Variants in RPS11 observed in about 807,000 individuals in gnomAD.
The protein encoded by RPS11 is small ribosomal subunit protein uS17.
For missense variants in RPS11, 127 were observed against 211.4 expected (o/e 0.60, Z 2.48); for synonymous variants, 107 against 78.0 (o/e 1.37, Z -1.96).
chr19:49,497,481 C>T (rs367545490), intron 2 of RPS11, 39 bp from the exon 3 acceptor site: 7 of 1,606,708 alleles, frequency 4.4e-6, no homozygotes, highest in African/African-American at 2.7e-5. Flanking sequence ...AGGAACCGCC[C>T]GCCCAAGGCT....
chr19:49,498,481 G>C (rs757814761), intron 4 of RPS11, among the ~76,000 whole-genome samples: 1 of 152,228 alleles, frequency 6.6e-6, no homozygotes, highest in Non-Finnish European at 1.5e-5. Flanking sequence ...GCCAGGCACC[G>C]TGGCTCAAGC....
intron 4 of RPS11, 122 bp downstream of exon 4, chr19:49,498,168 C>T: frequency 3.8e-6 from 4 of 1,057,202 alleles, no homozygotes; most frequent in Non-Finnish European, 5.7e-6. Flanking sequence ...TGGGAAGCCC[C>T]AGAATCTCAG....
Position 49,497,242 on chromosome 19 carries a change from A to C in RPS11, c.64A>C (p.Arg22=). The C allele has an allele frequency of 6.2e-7, 1 of 1,614,110 alleles. No homozygotes were observed. Among genetic ancestry groups the C allele is most frequent in the Non-Finnish European group, 8.5e-7 (1 of 1,180,008 alleles). ...GCCGACCATCTTTCAAAACAAGAAG[A>C]GGGTCCTGCTGGGAGAAACTGGCAA... is the stretch of plus-strand genomic sequence containing the variant. The part of the protein sequence containing the change: ...KQPTIFQNKK[R]VLLGETGKEK... Residue 22 remains arginine (R), a synonymous_variant, in exon 2 of 5, where the codon AGG becomes CGG. Coordinates refer to ENST00000270625, the MANE Select transcript of RPS11 (RefSeq NM_001015.5).
chr19:49,496,544 G>A, intron 1 of RPS11, 73 bp downstream of exon 1: 1 of 1,490,230 alleles, frequency 6.7e-7, no homozygotes. Flanking sequence ...GGAGGGCAGA[G>A]CCCGGCGGCC....
At chr19:49,498,189 T>C (rs1189207982) in intron 4 of RPS11, 143 bp downstream of exon 4, 19 of 861,028 alleles carry the variant, frequency 2.2e-5, no homozygotes, top group Non-Finnish European at 2.6e-5. Flanking sequence ...GATTTGTATA[T>C]CATATGTTCT....
chr19:49,498,134 A>G, intron 4 of RPS11, 88 bp downstream of exon 4: 2 of 1,430,826 alleles, frequency 1.4e-6, no homozygotes, highest in East Asian at 4.6e-5. Context: ...CAACTGAGGG[A>G]GGGAAAGACT....
chr19:49,497,348 G>A, intron 2 of RPS11, 23 bp downstream of exon 2: 3 of 1,613,690 alleles, frequency 1.9e-6, no homozygotes. Flanking sequence ...TCAGAAGAAA[G>A]AAGGGGAACC....
At chr19:49,497,120 G>A in intron 1 of RPS11, 74 bp from the exon 2 acceptor site, 1 of 1,571,290 alleles carries the variant, frequency 6.4e-7, no homozygotes, top group East Asian at 2.2e-5. Flanking sequence ...GGAGGTTCTG[G>A]GAAGGTCTCT....
chr19:49,496,574 G>A, intron 1 of RPS11, 103 bp downstream of exon 1: 1 of 1,235,308 alleles, frequency 8.1e-7, no homozygotes, highest in Non-Finnish European at 1.1e-6. Context: ...GGTTAATTCC[G>A]GGCGTCCGTG....
At chr19:49,499,425 C>T in intron 4 of RPS11, 87 bp from the exon 5 acceptor site, 4 of 1,453,752 alleles carry the variant, frequency 2.8e-6, no homozygotes, top group Non-Finnish European at 3.8e-6. Context: ...AAGCAGAGAG[C>T]CTTTAGCCTG....
chr19:49,498,103 C>G, intron 4 of RPS11, 57 bp downstream of exon 4: 1 of 1,601,430 alleles, frequency 6.2e-7, no homozygotes, highest in Admixed American at 1.7e-5. Flanking sequence ...CTTCAGATTC[C>G]AGATCGGACC....
intron 3 of RPS11, 117 bp downstream of exon 3, chr19:49,497,712 G>A: frequency 1.7e-6 from 2 of 1,160,702 alleles, no homozygotes; most frequent in Non-Finnish European, 2.6e-6. Context: ...TGTAGGTCCA[G>A]GTACATTGGC....
At chr19:49,498,085 C>T (rs878880901) in intron 4 of RPS11, 39 bp downstream of exon 4, 1 of 1,610,156 alleles carries the variant, frequency 6.2e-7, no homozygotes, top group African/African-American at 1.3e-5. Flanking sequence ...AGGCCACGCT[C>T]TCTCAGCCTT....
chr19:49,497,772 C>T (rs886857101), intron 3 of RPS11, 145 bp from the exon 4 acceptor site: 1 of 1,269,482 alleles, frequency 7.9e-7, no homozygotes, highest in Admixed American at 1.7e-5. Context: ...GTGGGCACTG[C>T]TGAGAAAGCC....
At chr19:49,499,384 A>T in intron 4 of RPS11, 128 bp from the exon 5 acceptor site, 1 of 978,498 alleles carries the variant, frequency 1.0e-6, no homozygotes, top group Non-Finnish European at 1.5e-6. Flanking sequence ...TGAATTGGCG[A>T]GTAGAGCTTG....
intron 4 of RPS11, among the ~76,000 whole-genome samples, chr19:49,499,196 C>T (rs571855341): frequency 1.3e-5 from 2 of 152,192 alleles, no homozygotes; most frequent in East Asian, 3.9e-4. Context: ...GCTGCAGGAT[C>T]CCCCTGCTGC....
At chr19:49,497,894 C>G (rs1412940903) in intron 3 of RPS11, 23 bp from the exon 4 acceptor site, 1 of 1,613,934 alleles carries the variant, frequency 6.2e-7, no homozygotes, top group South Asian at 1.1e-5. Flanking sequence ...GGGACCTGAC[C>G]TATGATCGGC....
At chr19:49,497,165 C>A in intron 1 of RPS11, 29 bp from the exon 2 acceptor site, 1 of 1,610,194 alleles carries the variant, frequency 6.2e-7, no homozygotes, top group African/African-American at 1.4e-5. Context: ...AACTTAGCAG[C>A]TCATCAGTTT....
intron 3 of RPS11, 133 bp downstream of exon 3, chr19:49,497,728 ATGT>A: frequency 8.8e-7 from 1 of 1,136,440 alleles, no homozygotes; most frequent in Non-Finnish European, 1.3e-6. Context: ...TTGGCAGATG[ATGT>A]TTGTTTTCAC....
Sources: gnomAD v4.1 joint callset for allele counts (sites outside exome capture counted in the v4.1 genomes callset) on GRCh38, gnomAD v4.1.1 for gene constraint, MANE v1.5 for transcripts, NCBI Gene and HGNC (gene_info 2026-07-23, HGNC 2026-07-21) for gene names.